Variants in CPS1 observed in about 807,000 individuals in gnomAD.
The protein encoded by CPS1 is carbamoyl-phosphate synthase 1, also known as carbamoyl-phosphate synthase [ammonia], mitochondrial.
A neutral mutation model predicts 174.6 loss-of-function variants in CPS1; 109 were observed. That is an observed-to-expected ratio of 0.62 (90% CI 0.53 to 0.73). CPS1 has a LOEUF of 0.73. Ranked by LOEUF, CPS1 falls within the 30% of genes least tolerant of loss-of-function variation. The probability of loss-of-function intolerance (pLI) is 0.00; values close to 1 mark genes in which losing one functional copy is unlikely to be tolerated. For missense variants in CPS1, 1,689 were observed against 1,821.9 expected (o/e 0.93, Z 1.33); for synonymous variants, 637 against 632.0 (o/e 1.01, Z -0.12).
At chr2:210,566,610 G>A (rs866890173) in intron 1 of CPS1, among the ~76,000 whole-genome samples, 1 of 152,130 alleles carries the variant, frequency 6.6e-6, no homozygotes, top group African/African-American at 2.4e-5. Flanking sequence ...AGAAATAAAA[G>A]TAAGCTTAGA....
At chr2:210,659,820 C>T (rs1293454418) in intron 31 of CPS1, among the ~76,000 whole-genome samples, 1 of 152,088 alleles carries the variant, frequency 6.6e-6, no homozygotes, top group Non-Finnish European at 1.5e-5. Flanking sequence ...ACGTATTTGC[C>T]AGTGTGTGTG....
chr2:210,489,426 C>T (rs1203632179), intron 1 of CPS1, among the ~76,000 whole-genome samples: 1 of 152,112 alleles, frequency 6.6e-6, no homozygotes, highest in Admixed American at 6.5e-5. Context: ...CATTCACTGG[C>T]ACATCCCAGG....
chr2:210,500,851 G>A (rs1265819371), intron 1 of CPS1, among the ~76,000 whole-genome samples: 1 of 152,200 alleles, frequency 6.6e-6, no homozygotes, highest in African/African-American at 2.4e-5. Flanking sequence ...CTTTGTGTGG[G>A]GGCTCCAACC....
intron 20 of CPS1, among the ~76,000 whole-genome samples, chr2:210,613,624 T>G (rs1699205493): frequency 6.6e-6 from 1 of 151,816 alleles, no homozygotes; most frequent in Non-Finnish European, 1.5e-5. Context: ...GTAAATAGAT[T>G]TTTTCCTTAA....
chr2:210,501,155 C>T (rs1036828116), intron 1 of CPS1, among the ~76,000 whole-genome samples: 6 of 152,016 alleles, frequency 3.9e-5, no homozygotes, highest in Admixed American at 1.3e-4. Context: ...CTGCACACAT[C>T]GGGGGGCCCT....
intron 33 of CPS1, among the ~76,000 whole-genome samples, chr2:210,664,917 T>G (rs1456376945): frequency 6.6e-6 from 1 of 152,194 alleles, no homozygotes; most frequent in East Asian, 1.9e-4. Flanking sequence ...CCAAATGGCT[T>G]GTTGTAGGAT....
At chr2:210,554,882 G>A (rs1342560761), upstream of CPS1, among the ~76,000 whole-genome samples, 1 of 149,082 alleles carries the variant, frequency 6.7e-6, no homozygotes, top group Non-Finnish European at 1.5e-5. Context: ...AAGACAAGAG[G>A]TGAGATCAAG....
chr2:210,663,295 C>A, intron 33 of CPS1, 98 bp downstream of exon 33: 1 of 1,161,854 alleles, frequency 8.6e-7, no homozygotes, highest in Non-Finnish European at 1.3e-6. Flanking sequence ...ATAAAAACAT[C>A]TGCTATCAGA....
chr2:210,642,181 CA>C (rs1244363318), intron 24 of CPS1, among the ~76,000 whole-genome samples: 1 of 152,172 alleles, frequency 6.6e-6, no homozygotes, highest in Non-Finnish European at 1.5e-5. Flanking sequence ...TTATTTTTAT[CA>C]TTAAAATTAC....
rs923150105 is a variant in CPS1 at position 210,612,097 on chromosome 2, G to A, written c.2392-20G>A. On this transcript the variant is annotated intron_variant, in intron 19 of 37. Transcript: ENST00000233072. Reference sequence around the variant, plus strand: ...CATAAGCTCTTTCTTTCAATATGAGGTCTTAAACATGTATTACAGGTCATG... The same window carrying A: ...CATAAGCTCTTTCTTTCAATATGAGATCTTAAACATGTATTACAGGTCATG... 1.9e-6 allele frequency: 3 copies of A among 1,608,556 alleles called. No individual in the cohort carries two copies. The African/African-American group carries it at 4.0e-5, about 22-fold the overall frequency.
At chr2:210,675,218 G>A (rs575926234) in intron 35 of CPS1, among the ~76,000 whole-genome samples, 22 of 152,296 alleles carry the variant, frequency 1.4e-4, no homozygotes, top group Non-Finnish European at 4.4e-5. Context: ...TTGAGACAAA[G>A]TCCCAACACA....
intron 22 of CPS1, 38 bp downstream of exon 22, chr2:210,637,881 A>C: frequency 6.2e-7 from 1 of 1,612,344 alleles, no homozygotes; most frequent in Non-Finnish European, 8.5e-7. Flanking sequence ...CCCCACTGAC[A>C]GGATTTCTGT....
chr2:210,587,296 G>C (rs571426824), intron 6 of CPS1, among the ~76,000 whole-genome samples: 1 of 152,168 alleles, frequency 6.6e-6, no homozygotes, highest in East Asian at 1.9e-4. Flanking sequence ...TTCATAGCGT[G>C]CTAGCTAACT....
At chr2:210,555,003 T>C (rs1696863270), upstream of CPS1, among the ~76,000 whole-genome samples, 2 of 151,996 alleles carry the variant, frequency 1.3e-5, no homozygotes, top group African/African-American at 4.8e-5. Flanking sequence ...CATTTTTCAA[T>C]GATCTTCAAC....
At chr2:210,654,217 A>G (rs1700642022) in intron 29 of CPS1, 115 bp downstream of exon 29, 3 of 878,130 alleles carry the variant, frequency 3.4e-6, no homozygotes, top group Non-Finnish European at 5.6e-6. Context: ...GGTCTCCAGT[A>G]ATAGTGGAGA....
chr2:210,639,091 G>C, intron 22 of CPS1, 59 bp from the exon 23 acceptor site: 1 of 1,407,926 alleles, frequency 7.1e-7, no homozygotes, highest in South Asian at 1.2e-5. Context: ...AAAAAATTTA[G>C]TCTTGAAAAA....
At chr2:210,522,350 G>T (rs1695849695) in intron 1 of CPS1, among the ~76,000 whole-genome samples, 2 of 151,508 alleles carry the variant, frequency 1.3e-5, no homozygotes, top group African/African-American at 4.9e-5. Context: ...GTATTTTAAG[G>T]ATCAAGCTTT....
At chr2:210,539,190 T>C (rs1268175051) in intron 1 of CPS1, among the ~76,000 whole-genome samples, 1 of 152,168 alleles carries the variant, frequency 6.6e-6, no homozygotes, top group African/African-American at 2.4e-5. Context: ...ATAGTACTGC[T>C]GAAGGGTGAC....
chr2:210,604,616 A>G (rs533569380), intron 16 of CPS1, among the ~76,000 whole-genome samples: 1 of 151,926 alleles, frequency 6.6e-6, no homozygotes, highest in Non-Finnish European at 1.5e-5. Flanking sequence ...CTAACCGTTT[A>G]CAACCATCAT....
Sources: gnomAD v4.1 joint callset for allele counts (sites outside exome capture counted in the v4.1 genomes callset) on GRCh38, gnomAD v4.1.1 for gene constraint, MANE v1.5 for transcripts, NCBI Gene and HGNC (gene_info 2026-07-23, HGNC 2026-07-21) for gene names.